LYPD6B: variants seen among roughly 807,000 people sequenced by gnomAD.
LYPD6B encodes ly6/PLAUR domain-containing protein 6B.
In LYPD6B, 17 loss-of-function variants were observed where a neutral mutation model predicts 22.8. The observed-to-expected ratio is 0.75, with a 90% CI of 0.51 to 1.12. The LOEUF (loss-of-function observed/expected upper bound fraction) is 1.12, where lower values mean the gene tolerates loss of function less well. Among genes scored for constraint, LYPD6B ranks in the 50% most tolerant of loss-of-function variants. The pLI is 0.00. For missense variants in LYPD6B, 221 were observed against 258.3 expected (o/e 0.86, Z 0.99); for synonymous variants, 106 against 91.6 (o/e 1.16, Z -0.90).
intron 1 of LYPD6B, among the ~76,000 whole-genome samples, chr2:149,113,877 G>A (rs966643834): frequency 1.3e-5 from 2 of 152,202 alleles, no homozygotes; most frequent in Non-Finnish European, 2.9e-5. Flanking sequence ...ACTACATTAA[G>A]TGCCTTTGCT....
intron 2 of LYPD6B, among the ~76,000 whole-genome samples, chr2:149,139,300 C>T (rs931894577): frequency 3.3e-5 from 5 of 152,172 alleles, no homozygotes; most frequent in African/African-American, 1.2e-4. Flanking sequence ...GCTCATATTC[C>T]TCTCAGGTGT....
At position 149,175,061 on chromosome 2, in the gene LYPD6B, C is replaced by CTCTCTCTCTGTGTG. The variant is rs1454802925; in HGVS notation, c.77+14227_77+14228insCTCTCTCTGTGTGT. Among the ~76,000 whole-genome samples the CTCTCTCTCTGTGTG allele has an allele frequency of 4.7e-3, 534 of 112,958 alleles. 4 individuals are homozygous for CTCTCTCTCTGTGTG. The highest frequency in any genetic ancestry group is 0.011 in the Admixed American group (115 of 10,214). The allele number at this position is 112,958 out of a possible 152,430, so 74.1% of individuals were successfully genotyped here. ...TCTCTCTCTCTCTCTCTCTCTCTCT[C>CTCTCTCTCTGTGTG]TGTGTGTGTGTGTGTGTGTGTGTGT... On this transcript the variant is annotated intron_variant, in intron 3 of 6. Coordinates refer to ENST00000409642, the MANE Select transcript of LYPD6B (RefSeq NM_177964.5).
chr2:149,197,882 A>G (rs1692915672), intron 3 of LYPD6B, among the ~76,000 whole-genome samples: 1 of 152,152 alleles, frequency 6.6e-6, no homozygotes, highest in South Asian at 2.1e-4. Context: ...AACAGGGTAA[A>G]AATTATTTCA....
At chr2:149,201,353 T>C (rs1239308326) in intron 3 of LYPD6B, among the ~76,000 whole-genome samples, 2 of 152,174 alleles carry the variant, frequency 1.3e-5, no homozygotes. Flanking sequence ...CTTAATCTCA[T>C]CCATATAAAA....
chr2:149,187,564 T>C (rs764183390), intron 3 of LYPD6B: 17 of 1,433,092 alleles, frequency 1.2e-5, no homozygotes, highest in East Asian at 2.7e-5. Flanking sequence ...ATGAACAACA[T>C]GAAGCCTGAC....
chr2:149,168,661 G>T (rs901478474), intron 3 of LYPD6B, among the ~76,000 whole-genome samples: 1 of 152,180 alleles, frequency 6.6e-6, no homozygotes, highest in East Asian at 1.9e-4. Context: ...GAACAAAAAG[G>T]GTAAAGGTTG....
intron 3 of LYPD6B, among the ~76,000 whole-genome samples, chr2:149,178,822 C>T (rs558840815): frequency 2.0e-5 from 3 of 152,268 alleles, no homozygotes; most frequent in African/African-American, 7.2e-5. Flanking sequence ...TGTCAAAGGC[C>T]AGGCCAGTCT....
intron 1 of LYPD6B, among the ~76,000 whole-genome samples, chr2:149,105,212 A>G (rs1347727541): frequency 6.6e-6 from 1 of 152,168 alleles, no homozygotes; most frequent in African/African-American, 2.4e-5. Flanking sequence ...CCATGGACCC[A>G]TGTGCCACCC....
At chr2:149,147,454 G>A (rs908862894) in intron 2 of LYPD6B, among the ~76,000 whole-genome samples, 1 of 152,132 alleles carries the variant, frequency 6.6e-6, no homozygotes, top group Non-Finnish European at 1.5e-5. Context: ...ACTACCTCCA[G>A]TCAGATCATA....
chr2:149,190,022 C>G (rs1372234458), intron 3 of LYPD6B, among the ~76,000 whole-genome samples: 1 of 152,128 alleles, frequency 6.6e-6, no homozygotes. Flanking sequence ...GATTATAAAT[C>G]AAAACAGTGA....
chr2:149,047,561 G>A (rs1357889), intron 1 of LYPD6B, among the ~76,000 whole-genome samples: 137,822 of 152,092 alleles, frequency 0.91, 64,004 homozygotes, highest in East Asian at 1. Flanking sequence ...TGATATGCCT[G>A]GGAGTGTGTG....
At chr2:149,156,334 C>G (rs1689698761) in intron 2 of LYPD6B, among the ~76,000 whole-genome samples, 1 of 152,124 alleles carries the variant, frequency 6.6e-6, no homozygotes, top group Non-Finnish European at 1.5e-5. Context: ...ACAGTGAGGT[C>G]CTTGAGTAGG....
At chr2:149,172,600 C>T (rs2105935345) in intron 3 of LYPD6B, among the ~76,000 whole-genome samples, 1 of 152,152 alleles carries the variant, frequency 6.6e-6, no homozygotes, top group East Asian at 1.9e-4. Flanking sequence ...GGTGATCACA[C>T]TCATCATGAT....
intron 3 of LYPD6B, among the ~76,000 whole-genome samples, chr2:149,185,486 A>G (rs548271000): frequency 2.0e-5 from 3 of 152,294 alleles, no homozygotes; most frequent in South Asian, 2.1e-4. Context: ...TTTAGTGGGG[A>G]AAAATGCAAG....
chr2:149,171,553 C>A (rs2105930557), intron 3 of LYPD6B, among the ~76,000 whole-genome samples: 1 of 151,268 alleles, frequency 6.6e-6, no homozygotes, highest in African/African-American at 2.4e-5. Flanking sequence ...TCCTATATCC[C>A]CAGCCTATTT....
chr2:149,128,101 A>G (rs1687808998), intron 1 of LYPD6B, among the ~76,000 whole-genome samples: 1 of 152,222 alleles, frequency 6.6e-6, no homozygotes, highest in Non-Finnish European at 1.5e-5. Context: ...TCTTAAAAGA[A>G]AAAACATAAC....
At chr2:149,060,156 C>A (rs1306365188) in intron 1 of LYPD6B, among the ~76,000 whole-genome samples, 1 of 152,122 alleles carries the variant, frequency 6.6e-6, no homozygotes, top group Non-Finnish European at 1.5e-5. Flanking sequence ...GAACCCACAG[C>A]AAATGGTTAG....
At chr2:149,041,946 G>T (rs1431713459) in intron 1 of LYPD6B, among the ~76,000 whole-genome samples, 2 of 152,158 alleles carry the variant, frequency 1.3e-5, no homozygotes, top group African/African-American at 2.4e-5. Flanking sequence ...GGGGTGGATT[G>T]GGGTGGAGGA....
intron 1 of LYPD6B, chr2:149,101,020 A>T (rs985075233): frequency 6.6e-6 from 1 of 152,218 alleles, no homozygotes; most frequent in African/African-American, 2.4e-5. Context: ...GACAGTCAGA[A>T]TGCGTTTACT....
Sources: gnomAD v4.1 joint callset for allele counts (sites outside exome capture counted in the v4.1 genomes callset) on GRCh38, gnomAD v4.1.1 for gene constraint, MANE v1.5 for transcripts, NCBI Gene and HGNC (gene_info 2026-07-23, HGNC 2026-07-21) for gene names.